Variants in EXTL3 observed in about 807,000 individuals in gnomAD.
EXTL3 encodes exostosin like glycosyltransferase 3, also known as exostosin-like 3.
A neutral mutation model predicts 69.3 loss-of-function variants in EXTL3; 27 were observed. The observed-to-expected ratio is 0.39, with a 90% CI of 0.29 to 0.54. The LOEUF is 0.54. EXTL3 is among the 20% of genes least tolerant of loss of function. The pLI is 0.69. For synonymous variants in EXTL3, 511 were observed against 499.4 expected (o/e 1.02, Z -0.31); for missense variants, 1,003 against 1,231.8 (o/e 0.81, Z 2.78).
At chr8:28,633,945 GC>G (rs1806613379) in intron 1 of EXTL3, among the ~76,000 whole-genome samples, 2 of 152,252 alleles carry the variant, frequency 1.3e-5, no homozygotes, top group South Asian at 4.1e-4. Context: ...TAGCAAGATC[GC>G]CCAGGGGTGA....
At chr8:28,683,774 C>A (rs1396232157) in intron 1 of EXTL3, among the ~76,000 whole-genome samples, 3 of 151,958 alleles carry the variant, frequency 2.0e-5, no homozygotes, top group Non-Finnish European at 4.4e-5. Flanking sequence ...TGCCCCACTG[C>A]ACTCCAGCCT....
At chr8:28,706,497 A>G (rs1800925427) in intron 1 of EXTL3, among the ~76,000 whole-genome samples, 1 of 152,180 alleles carries the variant, frequency 6.6e-6, no homozygotes, top group Non-Finnish European at 1.5e-5. Context: ...AAGAGGATAG[A>G]CACAGTTTCA....
chr8:28,675,212 A>G (rs1470590505), intron 1 of EXTL3, among the ~76,000 whole-genome samples: 1 of 152,178 alleles, frequency 6.6e-6, no homozygotes, highest in African/African-American at 2.4e-5. Context: ...AGGGATTTAG[A>G]AATAAGAGAT....
In EXTL3 at chr8:28,716,799, A is replaced by G. The variant is rs1585273308; in HGVS notation, c.740A>G (p.Glu247Gly). ...LYVILVGEMQ[E>G]PVVLRPAELE... ...GTGATACTAGTGGGAGAGATGCAGG[A>G]GCCGGTGGTGCTGCGGCCTGCTGAG... The change falls in exon 3 of 7, where the codon GAG (glutamate) becomes GGG (glycine). Residue 247 changes from glutamate to glycine, a missense_variant. Transcript: ENST00000220562. The surrounding 1 kb of genome is among the most constrained non-coding windows in gnomAD (Gnocchi z 7.1). The G allele has an allele frequency of 6.2e-7, 1 of 1,614,230 alleles. No homozygotes were observed. Among genetic ancestry groups the G allele is most frequent in the East Asian group, 2.2e-5 (1 of 44,886 alleles).
chr8:28,640,407 A>C (rs920085426), intron 1 of EXTL3, among the ~76,000 whole-genome samples: 4 of 152,208 alleles, frequency 2.6e-5, no homozygotes, highest in African/African-American at 7.2e-5. Flanking sequence ...AAAAGATCTT[A>C]GTAAAATCTA....
Position 28,750,765 on chromosome 8 carries a change from T to C in EXTL3, c.2659T>C (p.Tyr887His). The change falls in exon 7 of 7, where the codon TAC becomes CAC. Residue 887 changes from tyrosine to histidine, a missense_variant. Coordinates refer to ENST00000220562, the MANE Select transcript of EXTL3 (RefSeq NM_001440.4). The surrounding 1 kb of genome is among the most constrained non-coding windows in gnomAD (Gnocchi z 5.2). ...GTGCATCAACTTCTTCGTGAAGGTGTACGGCTACATGCCCCTCCTGTACAC... is the reference window on the plus strand; with the variant it reads ...GTGCATCAACTTCTTCGTGAAGGTGCACGGCTACATGCCCCTCCTGTACAC... ...HKCINFFVKV[Y>H]GYMPLLYTQF... 6.2e-7 allele frequency: 1 copy of C among 1,614,216 alleles called. No homozygotes were observed. Among genetic ancestry groups the C allele is most frequent in the Non-Finnish European group, 8.5e-7 (1 of 1,180,030 alleles).
intron 1 of EXTL3, among the ~76,000 whole-genome samples, chr8:28,707,221 A>G (rs373064197): frequency 6.6e-6 from 1 of 152,382 alleles, no homozygotes; most frequent in East Asian, 1.9e-4. Flanking sequence ...CTCTAAGTAA[A>G]CAAATGGTAG....
intron 1 of EXTL3, among the ~76,000 whole-genome samples, chr8:28,671,059 C>T (rs2130641413): frequency 2.0e-5 from 3 of 151,188 alleles, no homozygotes; most frequent in Admixed American, 2.0e-4. Flanking sequence ...TGGCTCACTG[C>T]AGCCTCCGCC....
intron 1 of EXTL3, among the ~76,000 whole-genome samples, chr8:28,710,946 G>A (rs972900372): frequency 9.2e-5 from 14 of 151,756 alleles, no homozygotes; most frequent in African/African-American, 3.1e-4. Context: ...ACAGTGTAGA[G>A]TAGGTGTTTA....
rs1296547042 is a variant in EXTL3, at chr8:28,717,328, AT to A, written c.1271del (p.Leu424CysfsTer2). 1 of 1,614,132 alleles carries A rather than the reference AT, an allele frequency of 6.2e-7. No homozygotes were observed. The highest frequency in any genetic ancestry group is 8.5e-7 in the Non-Finnish European group (1 of 1,180,014). ...LCGEREDRLE[L>X]LKLSTFALII... Reference sequence around the variant, plus strand: ...GTGGAGAGCGGGAGGACCGCTTGGAATTGCTGAAGCTCTCCACCTTCGCCCT... The same window carrying A: ...GTGGAGAGCGGGAGGACCGCTTGGAATGCTGAAGCTCTCCACCTTCGCCCT... On this transcript the variant is annotated frameshift_variant, in exon 3 of 7. Transcript: ENST00000220562. LOFTEE classifies it high-confidence loss of function. This position sits in a 1 kb window ranked among gnomAD's most constrained non-coding sequence, Gnocchi z 8.3.
chr8:28,672,009 T>G (rs1807302544), intron 1 of EXTL3, among the ~76,000 whole-genome samples: 1 of 152,194 alleles, frequency 6.6e-6, no homozygotes, highest in Non-Finnish European at 1.5e-5. Context: ...TCCTCCGCTT[T>G]CCCAACATTT....
chr8:28,730,140 G>A (rs1801507784), intron 3 of EXTL3: 1 of 152,200 alleles, frequency 6.6e-6, no homozygotes. Context: ...TGAAGTTGAA[G>A]AGACATGCTA....
rs922670463 is a variant in EXTL3, at chr8:28,711,695, A to G, written c.-569-1762A>G. On this transcript the variant is annotated intron_variant, in intron 1 of 6. Transcript: ENST00000220562. Reference sequence around the variant, plus strand: ...CTCTCTGTAGTTTATAATGTATTCAATACAATATATTATTTGTTAATGGAT... The same window carrying G: ...CTCTCTGTAGTTTATAATGTATTCAGTACAATATATTATTTGTTAATGGAT... Among the ~76,000 whole-genome samples, 35 of 152,300 alleles carry G rather than the reference A, an allele frequency of 2.3e-4. 1 individual carries two copies. Among genetic ancestry groups the G allele is most frequent in the African/African-American group, 5.3e-4 (22 of 41,560 alleles).
upstream of EXTL3, among the ~76,000 whole-genome samples, chr8:28,621,019 C>T (rs1659745595): frequency 6.6e-6 from 1 of 152,278 alleles, no homozygotes; most frequent in Middle Eastern, 3.4e-3. Context: ...CCATTGTTGG[C>T]TTTTTGATAC....
intron 6 of EXTL3, among the ~76,000 whole-genome samples, chr8:28,748,623 T>C (rs1332631502): frequency 1.3e-5 from 2 of 152,120 alleles, no homozygotes. Flanking sequence ...ATTTTATCAC[T>C]CATGTGAAGG....
chr8:28,736,361 C>CAG (rs1801652167), intron 4 of EXTL3, among the ~76,000 whole-genome samples: 1 of 152,188 alleles, frequency 6.6e-6, no homozygotes, highest in Admixed American at 6.5e-5. Flanking sequence ...AGTTTGCAGG[C>CAG]AGTTTAAATC....
intron 5 of EXTL3, among the ~76,000 whole-genome samples, chr8:28,738,775 A>G (rs1334926628): frequency 1.3e-5 from 2 of 151,798 alleles, no homozygotes; most frequent in East Asian, 3.9e-4. Flanking sequence ...TTGCTTACCA[A>G]TGACACTTCC....
chr8:28,635,913 G>T (rs1182637555), intron 1 of EXTL3, among the ~76,000 whole-genome samples: 1 of 152,110 alleles, frequency 6.6e-6, no homozygotes, highest in Admixed American at 6.6e-5. Flanking sequence ...TAGAGATGGG[G>T]TTTGCCATGT....
chr8:28,718,344 A>G, intron 3 of EXTL3, 137 bp downstream of exon 3: 1 of 892,022 alleles, frequency 1.1e-6, no homozygotes, highest in South Asian at 1.4e-5. Context: ...AAACCTGTAT[A>G]GATTCCTTTC....
Sources: allele counts gnomAD v4.1 joint callset (sites outside exome capture counted in the v4.1 genomes callset), GRCh38; gene constraint gnomAD v4.1.1; non-coding constraint Gnocchi (gnomAD v3.1); transcripts MANE v1.5; gene names NCBI Gene and HGNC (gene_info 2026-07-23, HGNC 2026-07-21).